RPS6KA5: variants seen among roughly 807,000 people sequenced by gnomAD.
RPS6KA5 encodes the protein ribosomal protein S6 kinase alpha-5.
RPS6KA5 carries 27 observed loss-of-function variants against 85.5 expected under a neutral mutation model. The observed-to-expected ratio is 0.32, with a 90% CI of 0.23 to 0.44. The LOEUF (loss-of-function observed/expected upper bound fraction) is 0.44. Among genes scored for constraint, RPS6KA5 ranks in the 20% least tolerant of loss-of-function variants. The probability of loss-of-function intolerance (pLI) is 1.00; values close to 1 mark genes in which losing one functional copy is unlikely to be tolerated. For missense variants in RPS6KA5, 811 were observed against 980.9 expected (o/e 0.83, Z 2.31); for synonymous variants, 334 against 348.2 (o/e 0.96, Z 0.46).
intron 14 of RPS6KA5, among the ~76,000 whole-genome samples, chr14:90,885,466 T>C (rs1338159963): frequency 7.6e-6 from 1 of 131,772 alleles, no homozygotes; most frequent in African/African-American, 3.0e-5. Context: ...GGCAGGAGAA[T>C]GGCGTGAACC....
At chr14:90,945,179 C>G (rs1395053041) in intron 4 of RPS6KA5, among the ~76,000 whole-genome samples, 3 of 149,460 alleles carry the variant, frequency 2.0e-5, no homozygotes, top group Non-Finnish European at 4.5e-5. Context: ...CTCAGTCAAG[C>G]AGGTTGAGGC....
At chr14:91,006,751 T>C (rs1013830758) in intron 1 of RPS6KA5, among the ~76,000 whole-genome samples, 4 of 152,300 alleles carry the variant, frequency 2.6e-5, no homozygotes, top group African/African-American at 9.6e-5. Context: ...TATTTTTTAG[T>C]AGAAACAGGC....
intron 14 of RPS6KA5, among the ~76,000 whole-genome samples, chr14:90,887,722 C>T (rs1010041635): frequency 3.8e-4 from 57 of 150,972 alleles, no homozygotes; most frequent in African/African-American, 1.2e-3. Context: ...TTTGAGAGGC[C>T]GAGGCGGGAG....
chr14:90,900,547 G>C, intron 10 of RPS6KA5, 64 bp downstream of exon 10: 4 of 1,493,536 alleles, frequency 2.7e-6, no homozygotes, highest in Non-Finnish European at 3.6e-6. Flanking sequence ...ACATTAATTA[G>C]AGTTGGTATT....
rs942095255 is a variant in RPS6KA5 at position 90,849,423 on chromosome 14, C to T, written c.*22651G>A. The stretch of plus-strand genomic sequence containing the variant: ...GGTAATTCTTCTGCCTGACAGGCTG[C>T]CTTGGGCTACTACACAGCTGATATG... On this transcript the variant is annotated 3_prime_UTR_variant, in exon 17 of 17. Coordinates refer to ENST00000614987, the MANE Select transcript of RPS6KA5 (RefSeq NM_004755.4). 1 of 152,184 alleles carries T rather than the reference C, an allele frequency of 6.6e-6. No individual in the cohort carries two copies. The highest frequency in any genetic ancestry group is 2.4e-5 in the African/African-American group (1 of 41,438). 9.4% of individuals were successfully genotyped at this position (152,184 alleles called of 1,614,324 possible).
chr14:91,011,831 T>C (rs1019510894), intron 1 of RPS6KA5, among the ~76,000 whole-genome samples: 4 of 152,206 alleles, frequency 2.6e-5, no homozygotes, highest in African/African-American at 9.7e-5. Context: ...AACAGCAATA[T>C]ATACATAATA....
chr14:91,017,842 G>T (rs553424138), intron 1 of RPS6KA5, among the ~76,000 whole-genome samples: 1 of 152,226 alleles, frequency 6.6e-6, no homozygotes, highest in African/African-American at 2.4e-5. Flanking sequence ...TGAACTGGAA[G>T]TTAAGACTGC....
At chr14:90,891,591 G>A (rs567623611) in intron 13 of RPS6KA5, among the ~76,000 whole-genome samples, 2 of 151,862 alleles carry the variant, frequency 1.3e-5, no homozygotes, top group South Asian at 4.2e-4. Context: ...TCCCAGCTCT[G>A]GAATATTATT....
chr14:90,998,050 A>G (rs375896263), intron 2 of RPS6KA5, among the ~76,000 whole-genome samples: 8 of 149,044 alleles, frequency 5.4e-5, no homozygotes, highest in South Asian at 2.1e-4. Flanking sequence ...AGTGATGTGT[A>G]CTACAATATG....
At chr14:90,888,398 T>C (rs1003012345) in intron 14 of RPS6KA5, among the ~76,000 whole-genome samples, 1 of 152,198 alleles carries the variant, frequency 6.6e-6, no homozygotes, top group African/African-American at 2.4e-5. Context: ...TTTATTTAGA[T>C]TAATCTTTAA....
intron 2 of RPS6KA5, among the ~76,000 whole-genome samples, chr14:90,991,328 T>G (rs1019930110): frequency 6.6e-6 from 1 of 152,150 alleles, no homozygotes; most frequent in South Asian, 2.1e-4. Flanking sequence ...GTGATGGCAC[T>G]TTCCGTTCTT....
intron 7 of RPS6KA5, among the ~76,000 whole-genome samples, chr14:90,919,317 T>C (rs1353096960): frequency 6.6e-6 from 1 of 152,208 alleles, no homozygotes; most frequent in African/African-American, 2.4e-5. Flanking sequence ...ACACTGTCCT[T>C]CACTTCCAGA....
intron 1 of RPS6KA5, among the ~76,000 whole-genome samples, chr14:91,028,277 G>A (rs1174899700): frequency 1.3e-5 from 2 of 151,982 alleles, no homozygotes; most frequent in African/African-American, 2.4e-5. Flanking sequence ...GAGTGTAAAG[G>A]CACAATCAGG....
intron 7 of RPS6KA5, among the ~76,000 whole-genome samples, chr14:90,911,923 T>A (rs1394262382): frequency 6.6e-6 from 1 of 152,230 alleles, no homozygotes; most frequent in African/African-American, 2.4e-5. Context: ...ACGAACCCAA[T>A]GGCAGGAGTA....
chr14:90,899,500 G>T, intron 11 of RPS6KA5, 78 bp from the exon 12 acceptor site: 1 of 956,632 alleles, frequency 1.0e-6, no homozygotes, highest in Non-Finnish European at 1.7e-6. Context: ...GACTAATTTT[G>T]TCTTATTTAC....
At chr14:90,984,921 C>T (rs1314214250) in intron 2 of RPS6KA5, among the ~76,000 whole-genome samples, 1 of 152,032 alleles carries the variant, frequency 6.6e-6, no homozygotes, top group Non-Finnish European at 1.5e-5. Context: ...ATTTATTAAA[C>T]ATGTTCATAA....
chr14:91,015,546 T>A (rs1003964243), intron 1 of RPS6KA5, among the ~76,000 whole-genome samples: 1 of 152,222 alleles, frequency 6.6e-6, no homozygotes, highest in Non-Finnish European at 1.5e-5. Flanking sequence ...TAAGAAAATA[T>A]AGCAGCACTT....
intron 14 of RPS6KA5, among the ~76,000 whole-genome samples, chr14:90,876,921 G>A (rs2033519076): frequency 6.6e-6 from 1 of 152,132 alleles, no homozygotes; most frequent in African/African-American, 2.4e-5. Context: ...CCTCACTATG[G>A]CAAGATGGTG....
chr14:90,979,154 A>T (rs2039690248), intron 2 of RPS6KA5, among the ~76,000 whole-genome samples: 1 of 152,216 alleles, frequency 6.6e-6, no homozygotes, highest in Non-Finnish European at 1.5e-5. Flanking sequence ...TTTTCATAAT[A>T]AGGACTCTGT....
Sources: allele counts gnomAD v4.1 joint callset (sites outside exome capture counted in the v4.1 genomes callset), GRCh38; gene constraint gnomAD v4.1.1; transcripts MANE v1.5; gene names NCBI Gene and HGNC (gene_info 2026-07-23, HGNC 2026-07-21).